Variants in CUX1 observed in about 807,000 individuals in gnomAD.
CUX1 encodes cut like homeobox 1, also known as protein CASP.
Under a neutral mutation model 158.8 loss-of-function variants are expected in CUX1, and 31 were observed. The ratio of observed to expected loss-of-function variants is 0.20; its 90% CI spans 0.15 to 0.26. The LOEUF is 0.26. CUX1 is among the 10% of genes least tolerant of loss of function. CUX1 has a pLI of 1.00. For synonymous variants in CUX1, 879 were observed against 862.1 expected (o/e 1.02, Z -0.34); for missense variants, 1,589 against 2,014.6 (o/e 0.79, Z 4.04).
chr7:102,258,814 CCAG>C (rs1244181782), downstream of CUX1, among the ~76,000 whole-genome samples: 4 of 152,202 alleles, frequency 2.6e-5, no homozygotes, highest in East Asian at 7.7e-4. Flanking sequence ...GTGAAAGGCA[CCAG>C]TTAATGCTTG....
Position 102,248,647 on chromosome 7 carries a change from C to T in CUX1, c.4123C>T (p.Pro1375Ser), listed in dbSNP as rs781864854. ...GCCGCGGCCGGCGGAGCAGACGGAGCCGCCGCCCTCGGGGACCCCGGGCCC... is the reference window on the plus strand; with the variant it reads ...GCCGCGGCCGGCGGAGCAGACGGAGTCGCCGCCCTCGGGGACCCCGGGCCC... ...EVPRPAEQTE[P>S]PPSGTPGPDD... The change falls in exon 24 of 24, where the codon CCG (proline) becomes TCG (serine). Residue 1375 changes from proline (P) to serine (S), a missense_variant. By Grantham distance (74) the Pro-to-Ser change is moderately conservative. Around this residue, in one of 8 missense-constraint regions of CUX1, gnomAD observed 344 missense variants for 323.7 expected, o/e 1.06. Coordinates refer to ENST00000292535, the MANE Select transcript of CUX1 (RefSeq NM_181552.4). The surrounding 1 kb of genome is among the most constrained non-coding windows in gnomAD (Gnocchi z 5.8). The T allele has an allele frequency of 1.5e-4, 208 of 1,374,512 alleles. 4 individuals are homozygous for T. In the South Asian group the frequency reaches 1.7e-3, roughly 11 times the overall value. 85.1% of individuals were successfully genotyped at this position (1,374,512 alleles called of 1,614,324 possible). A position where few individuals can be genotyped will look rare whatever the true frequency, so the allele number is the denominator to read the frequency against.
intron 21 of CUX1, among the ~76,000 whole-genome samples, chr7:102,233,466 G>A (rs1799207572): frequency 2.6e-5 from 4 of 152,088 alleles, no homozygotes; most frequent in Non-Finnish European, 4.4e-5. Flanking sequence ...GGCCCTTCCG[G>A]CCACCGCACC....
At chr7:102,054,290 G>A (rs1823871878) in intron 3 of CUX1, among the ~76,000 whole-genome samples, 1 of 152,264 alleles carries the variant, frequency 6.6e-6, no homozygotes, top group South Asian at 2.1e-4. Flanking sequence ...TATAGTTTTA[G>A]CTCATATATT....
chr7:101,848,051 C>CAAAAAAAAA (rs57428019), intron 1 of CUX1, among the ~76,000 whole-genome samples: 22 of 65,368 alleles, frequency 3.4e-4, no homozygotes, highest in African/African-American at 1.1e-3. Context: ...GAGCAAGACT[C>CAAAAAAAAA]AAAAAAAAAA....
Position 102,024,134 on chromosome 7 carries a change from GC to G in CUX1, c.142-3962del, listed in dbSNP as rs1819716485. Among the ~76,000 whole-genome samples, 3 of 152,382 alleles carry G rather than the reference GC, an allele frequency of 2.0e-5. No individual in the cohort carries two copies. In the South Asian group the frequency reaches 6.2e-4, roughly 32 times the overall value. Reference sequence around the variant, plus strand: ...AGGGTTGGGGGTAACCCAGGAGCATGCCTGCTAAGGCACACTGCCATTCAGG... The same window carrying G: ...AGGGTTGGGGGTAACCCAGGAGCATGCTGCTAAGGCACACTGCCATTCAGG... On this transcript the variant is annotated intron_variant, in intron 2 of 23. Transcript: ENST00000292535.
At chr7:102,054,517 G>T (rs563135601) in intron 3 of CUX1, among the ~76,000 whole-genome samples, 264 of 152,284 alleles carry the variant, frequency 1.7e-3, no homozygotes, top group Non-Finnish European at 2.6e-3. Flanking sequence ...TTATCCTTAT[G>T]CCCCTACCAG....
At chr7:102,035,072 TA>T (rs55710671) in intron 3 of CUX1, among the ~76,000 whole-genome samples, 63,681 of 139,382 alleles carry the variant, frequency 0.46, 14,151 homozygotes, top group Admixed American at 0.53. Flanking sequence ...CCAGTGGTGG[TA>T]AAAAAAAAAA....
intron 4 of CUX1, among the ~76,000 whole-genome samples, chr7:102,096,449 C>G (rs1041343419): frequency 1.3e-5 from 2 of 152,180 alleles, no homozygotes; most frequent in Admixed American, 6.5e-5. Flanking sequence ...TGGGGTGGCT[C>G]ACGCCTGTAA....
At position 102,251,512 on chromosome 7, in the gene CUX1, C is replaced by CA; in HGVS notation, c.*2471dup. 2.0e-6 allele frequency: 2 copies of CA among 985,336 alleles called. No homozygotes were observed. Among genetic ancestry groups the CA allele is most frequent in the South Asian group, 4.7e-5 (1 of 21,284 alleles). The allele number at this position is 985,336 out of a possible 1,614,324, so 61.0% of individuals were successfully genotyped here. ...CAGAAGGCTCTAGGGGGCTGGGAGG[C>CA]AGGCTGTTCGTTTGTCTTTTGTTGG... On this transcript the variant is annotated 3_prime_UTR_variant, in exon 24 of 24. Coordinates refer to ENST00000292535, the MANE Select transcript of CUX1 (RefSeq NM_181552.4).
intron 4 of CUX1, among the ~76,000 whole-genome samples, chr7:102,081,105 T>G (rs1827336942): frequency 6.6e-6 from 1 of 152,170 alleles, no homozygotes; most frequent in African/African-American, 2.4e-5. Flanking sequence ...CTATTTACAC[T>G]CTTCCTCCTT....
chr7:102,230,730 T>C (rs1204338034), intron 21 of CUX1, among the ~76,000 whole-genome samples: 1 of 152,176 alleles, frequency 6.6e-6, no homozygotes, highest in East Asian at 1.9e-4. Context: ...AATTCCCATA[T>C]GTTCATCAGT....
chr7:102,085,371 T>G (rs1462275388), intron 4 of CUX1, among the ~76,000 whole-genome samples: 10 of 152,204 alleles, frequency 6.6e-5, no homozygotes, highest in Admixed American at 6.5e-4. Context: ...TATCTCATCT[T>G]GAATTGTAGT....
intron 2 of CUX1, among the ~76,000 whole-genome samples, chr7:101,984,403 C>G (rs1813996078): frequency 6.6e-6 from 1 of 151,004 alleles, no homozygotes; most frequent in Non-Finnish European, 1.5e-5. Context: ...TAGATAAAAA[C>G]CTCGATATAC....
intron 4 of CUX1, among the ~76,000 whole-genome samples, chr7:102,078,672 T>A (rs1827041916): frequency 6.6e-6 from 1 of 152,246 alleles, no homozygotes; most frequent in Non-Finnish European, 1.5e-5. Context: ...GAAACACTGC[T>A]AGAAGTCGCT....
At chr7:101,907,976 G>A (rs530897839) in intron 1 of CUX1, among the ~76,000 whole-genome samples, 21 of 151,992 alleles carry the variant, frequency 1.4e-4, no homozygotes, top group Admixed American at 4.6e-4. Flanking sequence ...AAAAACCATC[G>A]TTTACTTTTA....
intron 9 of CUX1, among the ~76,000 whole-genome samples, chr7:102,164,483 C>G (rs115146624): frequency 0.014 from 2,144 of 152,340 alleles, 39 homozygotes; most frequent in African/African-American, 0.048. Context: ...GTGAGCTGCC[C>G]TCTTCCTGTT....
intron 20 of CUX1, among the ~76,000 whole-genome samples, chr7:102,205,754 G>T (rs1331720588): frequency 6.6e-6 from 1 of 152,056 alleles, no homozygotes; most frequent in South Asian, 2.1e-4. Context: ...TGAGAAACTC[G>T]GGCTCCTTCC....
intron 2 of CUX1, among the ~76,000 whole-genome samples, chr7:102,023,846 G>A (rs1051313842): frequency 3.9e-5 from 6 of 152,126 alleles, no homozygotes; most frequent in Non-Finnish European, 7.4e-5. Context: ...ATATGTGTGC[G>A]TGCGTGAGTG....
intron 8 of CUX1, among the ~76,000 whole-genome samples, chr7:102,155,004 T>C (rs1361262625): frequency 6.6e-6 from 1 of 152,200 alleles, no homozygotes; most frequent in Non-Finnish European, 1.5e-5. Context: ...CACATCTTGT[T>C]GTGGGTACGC....
Sources: gnomAD v4.1 joint callset for allele counts (sites outside exome capture counted in the v4.1 genomes callset) on GRCh38, gnomAD v4.1.1 for gene constraint, gnomAD v4.1.1 regional missense constraint, Gnocchi (gnomAD v3.1) non-coding constraint, MANE v1.5 for transcripts, NCBI Gene and HGNC (gene_info 2026-07-23, HGNC 2026-07-21) for gene names.